Variants in ETFA observed in about 807,000 individuals in gnomAD.
The protein encoded by ETFA is electron transfer flavoprotein subunit alpha.
Under a neutral mutation model 46.2 loss-of-function variants are expected in ETFA, and 22 were observed. The observed-to-expected ratio is 0.48, with a 90% confidence interval of 0.34 to 0.68. The LOEUF (loss-of-function observed/expected upper bound fraction) is 0.68, where lower values mean the gene tolerates loss of function less well. Ranked by LOEUF, ETFA falls within the 30% of genes least tolerant of loss-of-function variation. The probability of loss-of-function intolerance (pLI) is 0.01; values close to 1 mark genes in which losing one functional copy is unlikely to be tolerated. For missense variants in ETFA, 345 were observed against 401.1 expected (o/e 0.86, Z 1.19); for synonymous variants, 131 against 139.9 (o/e 0.94, Z 0.45).
Position 76,308,827 on chromosome 15 carries a change from T to A in ETFA, c.39+2523A>T, listed in dbSNP as rs1341599363. The stretch of plus-strand genomic sequence containing the variant: ...TGTAGTTAGAAAGTGAACCTCTTTG[T>A]TCTTTTAAAATATCACTCAATTATT... On this transcript the variant is annotated intron_variant, in intron 1 of 11. Coordinates refer to ENST00000557943, the MANE Select transcript of ETFA (RefSeq NM_000126.4). 2.6e-5 allele frequency among the ~76,000 whole-genome samples: 4 copies of A among 152,244 alleles called. No homozygotes were observed. In the East Asian group the frequency reaches 7.7e-4, roughly 29 times the overall value.
In ETFA at chr15:76,231,994, G is replaced by A. The variant is rs1042635111; in HGVS notation, c.817-596C>T. On this transcript the variant is annotated intron_variant, in intron 9 of 11. Coordinates refer to ENST00000557943, the MANE Select transcript of ETFA (RefSeq NM_000126.4). ...ATCAAGAGATTTTAAACACACACAC[G>A]TACACATACACACACACACACACAC... 4.0e-5 allele frequency among the ~76,000 whole-genome samples: 6 copies of A among 151,376 alleles called. No individual in the cohort carries two copies. The South Asian group carries it at 1.3e-3, about 32-fold the overall frequency.
intron 1 of ETFA, among the ~76,000 whole-genome samples, chr15:76,308,875 A>C (rs77197552): frequency 0.021 from 3,236 of 152,340 alleles, 108 homozygotes; most frequent in African/African-American, 0.074. Context: ...GCACATTTGC[A>C]ACATACTTTC....
At chr15:76,258,142 C>T (rs1229007172) in intron 9 of ETFA, among the ~76,000 whole-genome samples, 4 of 151,438 alleles carry the variant, frequency 2.6e-5, no homozygotes, top group Non-Finnish European at 1.5e-5. Flanking sequence ...GCACATTGTG[C>T]ACATGTACCC....
At chr15:76,259,099 C>T in intron 9 of ETFA, 1 of 1,542,092 alleles carries the variant, frequency 6.5e-7, no homozygotes, top group Non-Finnish European at 9.0e-7. Flanking sequence ...GCCAGCCCTC[C>T]AGGGGTGAGG....
chr15:76,256,382 A>C (rs931199021), intron 9 of ETFA, among the ~76,000 whole-genome samples: 1 of 152,222 alleles, frequency 6.6e-6, no homozygotes, highest in Non-Finnish European at 1.5e-5. Context: ...CTTCATACCA[A>C]AGTACAATGG....
chr15:76,284,499 T>C (rs2039687216), intron 7 of ETFA: 1 of 199,514 alleles, frequency 5.0e-6, no homozygotes, highest in Non-Finnish European at 9.8e-6. Flanking sequence ...TATTTATTTA[T>C]TTATTTTTTA....
At chr15:76,259,128 G>C (rs559681237) in intron 9 of ETFA, 94 of 1,507,480 alleles carry the variant, frequency 6.2e-5, no homozygotes, top group Middle Eastern at 5.2e-4. Flanking sequence ...ACATTCACTG[G>C]GAGTGCCACC....
chr15:76,283,001 T>A (rs1234968322), intron 8 of ETFA, among the ~76,000 whole-genome samples: 1 of 152,148 alleles, frequency 6.6e-6, no homozygotes, highest in Non-Finnish European at 1.5e-5. Context: ...TTCTCATCAA[T>A]GTACTTTTAG....
intron 9 of ETFA, among the ~76,000 whole-genome samples, chr15:76,264,492 A>ATCCT (rs1249012656): frequency 6.6e-6 from 1 of 152,186 alleles, no homozygotes; most frequent in Non-Finnish European, 1.5e-5. Context: ...GGGGAAAAAT[A>ATCCT]TCCTTCTTTC....
intron 1 of ETFA, among the ~76,000 whole-genome samples, chr15:76,306,322 A>G (rs1336272448): frequency 7.3e-6 from 1 of 137,690 alleles, no homozygotes; most frequent in Non-Finnish European, 1.5e-5. Flanking sequence ...ACTGCAGTGC[A>G]GTGGCGCGAT....
intron 9 of ETFA, among the ~76,000 whole-genome samples, chr15:76,265,318 T>C (rs1378141752): frequency 6.6e-6 from 1 of 152,170 alleles, no homozygotes; most frequent in African/African-American, 2.4e-5. Context: ...GTGGTCTGCC[T>C]CCCCAAGAGA....
At chr15:76,309,695 C>T (rs921082478) in intron 1 of ETFA, among the ~76,000 whole-genome samples, 5 of 152,132 alleles carry the variant, frequency 3.3e-5, no homozygotes, top group African/African-American at 1.2e-4. Flanking sequence ...TTCACTTAGG[C>T]CAGACTTGTA....
At chr15:76,261,199 G>A in intron 9 of ETFA, 2 of 1,541,722 alleles carry the variant, frequency 1.3e-6, no homozygotes, top group Non-Finnish European at 1.8e-6. Flanking sequence ...CCAGACAATG[G>A]TAACAGGTTC....
chr15:76,263,784 G>A lies in ETFA; in HGVS notation c.816+10628C>T, dbSNP rs576122935. On this transcript the variant is annotated intron_variant, in intron 9 of 11. Transcript: ENST00000557943. ...AGATTCAGATGAGGAAGAGGAGGAC[G>A]AGTGTAAAAAACTAACTTCAGATTC... Among the ~76,000 whole-genome samples the A allele has an allele frequency of 1.1e-4, 17 of 152,316 alleles. No homozygotes were observed. In the East Asian group the frequency reaches 2.1e-3, roughly 19 times the overall value.
In ETFA at chr15:76,283,841, G is replaced by GAAA; in HGVS notation, c.665-19_665-17dup. The GAAA allele has an allele frequency of 7.4e-7, 1 of 1,354,492 alleles. No homozygotes were observed. Among genetic ancestry groups the GAAA allele is most frequent in the Non-Finnish European group, 1.0e-6 (1 of 999,910 alleles). The allele number at this position is 1,354,492 out of a possible 1,614,324, so 83.9% of individuals were successfully genotyped here. A position where few individuals can be genotyped will look rare whatever the true frequency, so the allele number is the denominator to read the frequency against. ...AAGCCTCGACCTCATTTAAAAAGAT[G>GAAA]AAAAAAAAAAATTAGGCAAACATCA... is the stretch of plus-strand genomic sequence containing the variant. On this transcript the variant is annotated splice_polypyrimidine_tract_variant and intron_variant, in intron 7 of 11. Transcript: ENST00000557943.
intron 9 of ETFA, among the ~76,000 whole-genome samples, chr15:76,272,748 C>A (rs2039550741): frequency 6.6e-6 from 1 of 151,112 alleles, no homozygotes; most frequent in East Asian, 1.9e-4. Context: ...TATGATCATG[C>A]CTGTGACCAA....
intron 9 of ETFA, among the ~76,000 whole-genome samples, chr15:76,271,977 A>ATAGTT (rs1332570871): frequency 1.3e-5 from 2 of 152,144 alleles, no homozygotes; most frequent in African/African-American, 4.8e-5. Context: ...CGGAGGCTGT[A>ATAGTT]TAGTTTATGT....
intron 9 of ETFA, among the ~76,000 whole-genome samples, chr15:76,241,886 G>A (rs1223061883): frequency 6.9e-6 from 1 of 144,768 alleles, no homozygotes; most frequent in Non-Finnish European, 1.5e-5. Flanking sequence ...CGCCAGGCTG[G>A]AGTGCAATGG....
At chr15:76,240,808 A>C (rs1304553584) in intron 9 of ETFA, among the ~76,000 whole-genome samples, 1 of 152,024 alleles carries the variant, frequency 6.6e-6, no homozygotes, top group Non-Finnish European at 1.5e-5. Context: ...ACTACTTGGG[A>C]AGCTGAGGCA....
Sources: allele counts gnomAD v4.1 joint callset (sites outside exome capture counted in the v4.1 genomes callset), GRCh38; gene constraint gnomAD v4.1.1; transcripts MANE v1.5; gene names NCBI Gene and HGNC (gene_info 2026-07-23, HGNC 2026-07-21).